Variants in EFNA5 observed in about 807,000 individuals in gnomAD.
The protein encoded by EFNA5 is ephrin-A5.
In EFNA5, 5 loss-of-function variants were observed where a neutral mutation model predicts 22.9. The ratio of observed to expected loss-of-function variants is 0.22; its 90% CI spans 0.11 to 0.46. The LOEUF (loss-of-function observed/expected upper bound fraction) is 0.46. Ranked by LOEUF, EFNA5 falls within the 20% of genes least tolerant of loss-of-function variation. EFNA5 has a pLI of 0.99. For missense variants in EFNA5, 237 were observed against 293.3 expected (o/e 0.81, Z 1.40); for synonymous variants, 113 against 112.2 (o/e 1.01, Z -0.04).
chr5:107,453,953 G>C (rs1255162080), intron 1 of EFNA5, among the ~76,000 whole-genome samples: 1 of 151,956 alleles, frequency 6.6e-6, no homozygotes, highest in Non-Finnish European at 1.5e-5. Flanking sequence ...GTGAGTGTGT[G>C]TGTGTGTGTG....
chr5:107,382,454 T>C (rs1446775264), intron 4 of EFNA5, among the ~76,000 whole-genome samples: 1 of 152,154 alleles, frequency 6.6e-6, no homozygotes, highest in Non-Finnish European at 1.5e-5. Flanking sequence ...CTCACTATAG[T>C]CTTGACCTCC....
intron 1 of EFNA5, among the ~76,000 whole-genome samples, chr5:107,471,323 A>G (rs1750136097): frequency 1.3e-5 from 2 of 151,804 alleles, no homozygotes. Flanking sequence ...TCACTCCTCC[A>G]CTGGGCTTTC....
chr5:107,561,783 A>G (rs1341450034), intron 1 of EFNA5, among the ~76,000 whole-genome samples: 1 of 152,230 alleles, frequency 6.6e-6, no homozygotes, highest in Non-Finnish European at 1.5e-5. Context: ...GATAGTGGAC[A>G]TTAAGTTCTC....
intron 1 of EFNA5, among the ~76,000 whole-genome samples, chr5:107,635,123 C>T (rs1750345827): frequency 6.6e-6 from 1 of 152,162 alleles, no homozygotes; most frequent in Non-Finnish European, 1.5e-5. Flanking sequence ...CAGAAGGCTT[C>T]AGGTTTAGTC....
At chr5:107,439,393 TC>T (rs1749197930) in intron 1 of EFNA5, among the ~76,000 whole-genome samples, 1 of 152,210 alleles carries the variant, frequency 6.6e-6, no homozygotes, top group Non-Finnish European at 1.5e-5. Context: ...GTTATGGAAG[TC>T]TGAGCAGACT....
rs116132649 is a variant in EFNA5, at chr5:107,504,191, G to C, written c.126-76682C>G. On this transcript the variant is annotated intron_variant, in intron 1 of 4. Transcript: ENST00000333274. ...TTCAGGATGAAAGTATTTAAAGAGA[G>C]GGTATTTTTTAAATTAACTAAAAAA... is the stretch of plus-strand genomic sequence containing the variant. 7.7e-3 allele frequency among the ~76,000 whole-genome samples: 1,168 copies of C among 152,178 alleles called. 14 individuals are homozygous for C. The highest frequency in any genetic ancestry group is 0.027 in the African/African-American group (1,120 of 41,552).
At chr5:107,543,849 A>G (rs1375416525) in intron 1 of EFNA5, among the ~76,000 whole-genome samples, 26 of 152,232 alleles carry the variant, frequency 1.7e-4, no homozygotes. Flanking sequence ...AATATGCTGT[A>G]AAATGGGATT....
chr5:107,515,926 C>T (rs1747465553), intron 1 of EFNA5, among the ~76,000 whole-genome samples: 1 of 152,190 alleles, frequency 6.6e-6, no homozygotes, highest in Non-Finnish European at 1.5e-5. Context: ...GAGCTTGTTA[C>T]ATCATCCATT....
chr5:107,433,066 T>G (rs1490272541), intron 1 of EFNA5, among the ~76,000 whole-genome samples: 1 of 152,242 alleles, frequency 6.6e-6, no homozygotes, highest in Non-Finnish European at 1.5e-5. Context: ...ATTGACTGTT[T>G]ATGTTAATGG....
intron 1 of EFNA5, among the ~76,000 whole-genome samples, chr5:107,508,899 A>C (rs1747304117): frequency 6.6e-6 from 1 of 152,214 alleles, no homozygotes; most frequent in Non-Finnish European, 1.5e-5. Context: ...TCATTTAATC[A>C]TTCACTTATT....
chr5:107,436,743 G>A (rs1749120697), intron 1 of EFNA5, among the ~76,000 whole-genome samples: 1 of 152,084 alleles, frequency 6.6e-6, no homozygotes, highest in Non-Finnish European at 1.5e-5. Flanking sequence ...TCTAGCCACT[G>A]TCCAAGGAGA....
At chr5:107,653,489 AGG>A (rs1750772610) in intron 1 of EFNA5, among the ~76,000 whole-genome samples, 2 of 152,186 alleles carry the variant, frequency 1.3e-5, no homozygotes, top group African/African-American at 2.4e-5. Flanking sequence ...GAGGAACAAT[AGG>A]AGGCTTTGAG....
intron 1 of EFNA5, among the ~76,000 whole-genome samples, chr5:107,640,116 G>A (rs946649197): frequency 1.4e-4 from 22 of 152,190 alleles, no homozygotes; most frequent in African/African-American, 5.1e-4. Flanking sequence ...CAAAGATACT[G>A]AGAGGCTGAG....
Position 107,618,028 on chromosome 5 carries a change from GA to G in EFNA5, c.125+52460del, listed in dbSNP as rs534496118. 6.1e-3 allele frequency among the ~76,000 whole-genome samples: 899 copies of G among 146,312 alleles called. 9 individuals are homozygous for G. Among genetic ancestry groups the G allele is most frequent in the African/African-American group, 0.021 (850 of 40,036 alleles). On this transcript the variant is annotated intron_variant, in intron 1 of 4. Transcript: ENST00000333274. ...AAACAAAAAAAATCATGGATTTCAAGAAAAAAAAAAGACCCAGCACACAACC... is the reference window on the plus strand; with the variant it reads ...AAACAAAAAAAATCATGGATTTCAAGAAAAAAAAAGACCCAGCACACAACC...
At chr5:107,461,254 A>G (rs1164381236) in intron 1 of EFNA5, among the ~76,000 whole-genome samples, 1 of 152,202 alleles carries the variant, frequency 6.6e-6, no homozygotes, top group Admixed American at 6.6e-5. Flanking sequence ...GCATGTGTTA[A>G]AATATCCATA....
At chr5:107,582,051 T>C (rs1561439876) in intron 1 of EFNA5, among the ~76,000 whole-genome samples, 3 of 152,312 alleles carry the variant, frequency 2.0e-5, no homozygotes, top group South Asian at 4.1e-4. Flanking sequence ...TAAAGTCTTA[T>C]TCTAAGTACA....
chr5:107,631,542 A>G lies in EFNA5; in HGVS notation c.125+38947T>C, dbSNP rs541050772. 1.7e-4 allele frequency among the ~76,000 whole-genome samples: 26 copies of G among 152,262 alleles called. No individual in the cohort carries two copies. The East Asian group carries it at 1.7e-3, about 10-fold the overall frequency. On this transcript the variant is annotated intron_variant, in intron 1 of 4. Transcript: ENST00000333274. Reference sequence around the variant, plus strand: ...AATTATTGTTTTATATGAAAATACAAGAACAACTCTTCCCATAAAACACTG... The same window carrying G: ...AATTATTGTTTTATATGAAAATACAGGAACAACTCTTCCCATAAAACACTG...
chr5:107,609,245 A>T (rs1297820022), intron 1 of EFNA5, among the ~76,000 whole-genome samples: 1 of 152,248 alleles, frequency 6.6e-6, no homozygotes, highest in Non-Finnish European at 1.5e-5. Flanking sequence ...GGTTGGGTAC[A>T]GTTTCTACCC....
intron 1 of EFNA5, among the ~76,000 whole-genome samples, chr5:107,524,231 C>A (rs893039283): frequency 2.0e-5 from 3 of 152,180 alleles, no homozygotes; most frequent in Non-Finnish European, 4.4e-5. Context: ...ATGTTCCTGG[C>A]AGGCCAGATT....
Sources: gnomAD v4.1 joint callset for allele counts (sites outside exome capture counted in the v4.1 genomes callset) on GRCh38, gnomAD v4.1.1 for gene constraint, MANE v1.5 for transcripts, NCBI Gene and HGNC (gene_info 2026-07-23, HGNC 2026-07-21) for gene names.